Variants in RABEP1 observed in about 807,000 individuals in gnomAD.
RABEP1 encodes rabaptin, RAB GTPase binding effector protein 1.
A neutral mutation model predicts 123.4 loss-of-function variants in RABEP1; 51 were observed. The observed-to-expected ratio is 0.41, with a 90% CI of 0.33 to 0.52. The LOEUF (loss-of-function observed/expected upper bound fraction) is 0.52. RABEP1 is among the 20% of genes least tolerant of loss of function. RABEP1 has a pLI of 0.16. For missense variants in RABEP1, 888 were observed against 996.3 expected, an observed-to-expected ratio of 0.89 and a Z score of 1.46; for synonymous variants, 347 against 355.2, an observed-to-expected ratio of 0.98 and a Z score of 0.26.
chr17:5,320,457 C>T (rs1240598637), intron 2 of RABEP1, among the ~76,000 whole-genome samples: 1 of 109,810 alleles, frequency 9.1e-6, no homozygotes, highest in African/African-American at 3.4e-5. Context: ...AAAAGAAACA[C>T]ACTGGTAAAA....
intron 2 of RABEP1, among the ~76,000 whole-genome samples, chr17:5,311,416 GCCAGGCACGGTGGCTGACA>G (rs2075239073): frequency 6.6e-6 from 1 of 151,808 alleles, no homozygotes; most frequent in Non-Finnish European, 1.5e-5. Flanking sequence ...TGAAAATAAG[GCCAGGCACGGTGGCTGACA>G]CCTGTAATCC....
At chr17:5,328,995 A>C (rs1906250772) in intron 2 of RABEP1, among the ~76,000 whole-genome samples, 1 of 147,520 alleles carries the variant, frequency 6.8e-6, no homozygotes, top group African/African-American at 2.5e-5. Context: ...TTTTGATCTT[A>C]ATTTAAACAA....
intron 17 of RABEP1, 21 bp from the exon 18 acceptor site, chr17:5,383,101 A>T (rs781079180): frequency 6.2e-7 from 1 of 1,609,788 alleles, no homozygotes; most frequent in South Asian, 1.1e-5. Flanking sequence ...ACCTGTAGTT[A>T]TCTCACCATT....
At chr17:5,373,864 A>G (rs1269634689) in intron 13 of RABEP1, among the ~76,000 whole-genome samples, 1 of 152,134 alleles carries the variant, frequency 6.6e-6, no homozygotes, top group African/African-American at 2.4e-5. Context: ...ATAGAATCAT[A>G]CGATATGTGG....
At chr17:5,336,558 C>T (rs1216219578) in intron 4 of RABEP1, 1 of 424,926 alleles carries the variant, frequency 2.4e-6, no homozygotes, top group East Asian at 5.9e-5. Context: ...GACAGTTTCT[C>T]AGATTTTTCT....
chr17:5,328,942 A>T (rs977988741), intron 2 of RABEP1, among the ~76,000 whole-genome samples: 3 of 151,844 alleles, frequency 2.0e-5, no homozygotes, highest in African/African-American at 4.8e-5. Context: ...CAAAAAAAAA[A>T]AAATAAATTA....
intron 5 of RABEP1, among the ~76,000 whole-genome samples, chr17:5,345,128 T>C (rs1351736023): frequency 3.9e-5 from 6 of 152,124 alleles, no homozygotes; most frequent in Non-Finnish European, 8.8e-5. Flanking sequence ...CCTAACCAGG[T>C]TGTAAGGGTT....
At chr17:5,310,051 C>T (rs1017507271) in intron 2 of RABEP1, among the ~76,000 whole-genome samples, 4 of 152,114 alleles carry the variant, frequency 2.6e-5, no homozygotes, top group African/African-American at 4.8e-5. Flanking sequence ...TTGGGTGGAG[C>T]CCAGAAATTT....
chr17:5,365,106 T>G lies in RABEP1; in HGVS notation c.1669-16T>G, dbSNP rs772336855. On this transcript the variant is annotated splice_polypyrimidine_tract_variant and intron_variant, in intron 10 of 17. Coordinates refer to ENST00000537505, the MANE Select transcript of RABEP1 (RefSeq NM_004703.6). ...AAGGATTCTGGTTTTTCTAATTGAC[T>G]TTTAAAATGATACAGGTGAAAAAAC... 3.9e-6 allele frequency: 6 copies of G among 1,528,012 alleles called. No individual in the cohort carries two copies. The South Asian group carries it at 7.6e-5, about 19-fold the overall frequency. 94.7% of individuals were successfully genotyped at this position (1,528,012 alleles called of 1,614,324 possible). A position where few individuals can be genotyped will look rare whatever the true frequency, so the allele number is the denominator to read the frequency against.
At chr17:5,298,578 A>G (rs932476735) in intron 1 of RABEP1, among the ~76,000 whole-genome samples, 5 of 151,992 alleles carry the variant, frequency 3.3e-5, no homozygotes, top group African/African-American at 1.2e-4. Context: ...AAATATTAGT[A>G]TGTAGAGTCA....
chr17:5,327,283 G>A (rs1906070116), intron 2 of RABEP1, among the ~76,000 whole-genome samples: 1 of 151,762 alleles, frequency 6.6e-6, no homozygotes, highest in Non-Finnish European at 1.5e-5. Flanking sequence ...GGGAGTTGGA[G>A]GTTGCAGTGA....
intron 8 of RABEP1, 62 bp from the exon 9 acceptor site, chr17:5,361,146 G>A (rs1597384363): frequency 3.5e-6 from 5 of 1,410,528 alleles, no homozygotes; most frequent in Non-Finnish European, 2.9e-6. Context: ...ATTTATTATA[G>A]TTTTTGTCTT....
At chr17:5,286,529 A>G (rs2074979756) in intron 1 of RABEP1, among the ~76,000 whole-genome samples, 1 of 152,152 alleles carries the variant, frequency 6.6e-6, no homozygotes, top group African/African-American at 2.4e-5. Context: ...ATTAACAAGT[A>G]TTTGTGTGCC....
chr17:5,347,510 CAACT>C (rs1446367444), intron 6 of RABEP1, among the ~76,000 whole-genome samples: 2 of 152,186 alleles, frequency 1.3e-5, no homozygotes, highest in Non-Finnish European at 2.9e-5. Context: ...ATTTCTGCTT[CAACT>C]ACTTTTCCCC....
chr17:5,346,106 G>A (rs1038698083), intron 5 of RABEP1, among the ~76,000 whole-genome samples: 2 of 152,100 alleles, frequency 1.3e-5, no homozygotes, highest in Admixed American at 6.5e-5. Flanking sequence ...GTTTCTCCGT[G>A]TTTCCCAGGC....
intron 2 of RABEP1, among the ~76,000 whole-genome samples, chr17:5,328,248 T>C (rs16954532): frequency 0.018 from 2,751 of 152,296 alleles, 78 homozygotes; most frequent in African/African-American, 0.062. Flanking sequence ...GAAGGAGATG[T>C]AGCAAAATAT....
intron 2 of RABEP1, among the ~76,000 whole-genome samples, chr17:5,309,256 G>T (rs552288532): frequency 1.3e-5 from 2 of 152,146 alleles, no homozygotes; most frequent in Non-Finnish European, 2.9e-5. Flanking sequence ...TTATACTTGT[G>T]TTGGGTATAC....
chr17:5,317,713 T>C (rs1008689466), intron 2 of RABEP1, among the ~76,000 whole-genome samples: 1 of 152,116 alleles, frequency 6.6e-6, no homozygotes, highest in African/African-American at 2.4e-5. Flanking sequence ...GATAGGTGTC[T>C]TTGTTAATGA....
intron 8 of RABEP1, among the ~76,000 whole-genome samples, chr17:5,360,615 C>G (rs909156014): frequency 6.6e-6 from 1 of 152,222 alleles, no homozygotes; most frequent in Non-Finnish European, 1.5e-5. Context: ...ACTCTGGCTT[C>G]TCCTTTGCTC....
Sources: gnomAD v4.1 joint callset for allele counts (sites outside exome capture counted in the v4.1 genomes callset) on GRCh38, gnomAD v4.1.1 for gene constraint, MANE v1.5 for transcripts, NCBI Gene and HGNC (gene_info 2026-07-23, HGNC 2026-07-21) for gene names.